PDE10A: variants seen among roughly 807,000 people sequenced by gnomAD.
The protein encoded by PDE10A is cAMP and cAMP-inhibited cGMP 3',5'-cyclic phosphodiesterase 10A.
In PDE10A, 39 loss-of-function variants were observed where a neutral mutation model predicts 97.7. The observed-to-expected ratio is 0.40, with a 90% confidence interval of 0.31 to 0.52. PDE10A has a LOEUF of 0.52. Among genes scored for constraint, PDE10A ranks in the 20% least tolerant of loss-of-function variants. The pLI, the probability that PDE10A is intolerant of heterozygous loss-of-function variation, is 0.56. For missense variants in PDE10A, 731 were observed against 1,047.8 expected, an observed-to-expected ratio of 0.70 and a Z score of 4.17; for synonymous variants, 371 against 376.8, an observed-to-expected ratio of 0.98 and a Z score of 0.18.
At chr6:165,484,027 T>C (rs758175309) in intron 2 of PDE10A, among the ~76,000 whole-genome samples, 4 of 152,260 alleles carry the variant, frequency 2.6e-5, no homozygotes, top group Non-Finnish European at 5.9e-5. Context: ...GGAGCTGATT[T>C]AGAAAATCAA....
rs367869409 is a variant in PDE10A at position 165,814,844 on chromosome 6, G to A, written c.-615+172685C>T. On this transcript the variant is annotated intron_variant, in intron 1 of 19. Coordinates refer to the PDE10A transcript ENST00000366882. ...GTCACTCTGCGGCGTATGTCCAGGC[G>A]AGCTGTGCGTCAGTTCCGTTCCTCT... Among the ~76,000 whole-genome samples the A allele has an allele frequency of 3.3e-5, 5 of 152,036 alleles. No individual in the cohort carries two copies. The South Asian group carries it at 6.2e-4, about 19-fold the overall frequency.
chr6:165,354,236 CTT>C (rs1187558385), intron 18 of PDE10A, among the ~76,000 whole-genome samples: 2 of 152,216 alleles, frequency 1.3e-5, no homozygotes, highest in East Asian at 3.9e-4. Context: ...GTATTTCTGA[CTT>C]AAGACCGTAA....
intron 19 of PDE10A, among the ~76,000 whole-genome samples, chr6:165,342,855 C>A (rs1372386315): frequency 6.6e-6 from 1 of 152,098 alleles, no homozygotes; most frequent in Non-Finnish European, 1.5e-5. Flanking sequence ...CAAGAAAAGG[C>A]GTTAATAAAA....
chr6:165,590,462 TAA>T (rs1786185352), intron 1 of PDE10A, among the ~76,000 whole-genome samples: 1 of 152,096 alleles, frequency 6.6e-6, no homozygotes, highest in Middle Eastern at 3.2e-3. Context: ...ACAGCAAACA[TAA>T]AGAGTATGTA....
intron 2 of PDE10A, among the ~76,000 whole-genome samples, chr6:165,523,381 T>C (rs1782246149): frequency 6.6e-6 from 1 of 152,158 alleles, no homozygotes; most frequent in South Asian, 2.1e-4. Context: ...GCAACAAGGC[T>C]ACAGTAACCC....
chr6:165,509,227 G>A (rs541709246), intron 2 of PDE10A, among the ~76,000 whole-genome samples: 56 of 151,878 alleles, frequency 3.7e-4, no homozygotes, highest in Non-Finnish European at 2.5e-4. Flanking sequence ...CAGGGTACAC[G>A]AGTACTTATC....
At chr6:165,761,722 G>A (rs1360383730) in intron 1 of PDE10A, among the ~76,000 whole-genome samples, 2 of 151,824 alleles carry the variant, frequency 1.3e-5, no homozygotes, top group African/African-American at 2.4e-5. Context: ...TCTTTTAAAT[G>A]AAAATTTATT....
At chr6:165,396,726 G>T (rs534575215) in intron 13 of PDE10A, among the ~76,000 whole-genome samples, 1 of 152,186 alleles carries the variant, frequency 6.6e-6, no homozygotes, top group Non-Finnish European at 1.5e-5. Flanking sequence ...CTTGGCATTT[G>T]TCTTCCTTAA....
intron 21 of PDE10A, 69 bp downstream of exon 21, chr6:165,336,054 A>G: frequency 8.5e-7 from 1 of 1,175,456 alleles, no homozygotes. Context: ...CTAGTGGGGT[A>G]CAAAAATCCT....
intron 1 of PDE10A, among the ~76,000 whole-genome samples, chr6:165,834,882 A>G (rs1184439704): frequency 6.6e-6 from 1 of 152,216 alleles, no homozygotes; most frequent in African/African-American, 2.4e-5. Flanking sequence ...AGAGCTGGGG[A>G]TGCAGAAGTG....
chr6:165,933,695 T>C (rs1415373889), intron 1 of PDE10A, among the ~76,000 whole-genome samples: 2 of 152,238 alleles, frequency 1.3e-5, no homozygotes, highest in Non-Finnish European at 2.9e-5. Flanking sequence ...CCAAGTTTCA[T>C]AGAATATACA....
intron 1 of PDE10A, among the ~76,000 whole-genome samples, chr6:165,601,930 T>A (rs1230701567): frequency 6.6e-6 from 1 of 152,186 alleles, no homozygotes; most frequent in Non-Finnish European, 1.5e-5. Context: ...CTATGCCAGA[T>A]GACAAAGAGC....
intron 1 of PDE10A, among the ~76,000 whole-genome samples, chr6:165,686,533 G>A (rs1791125366): frequency 6.6e-6 from 1 of 152,188 alleles, no homozygotes; most frequent in Non-Finnish European, 1.5e-5. Context: ...ACCACGGTGA[G>A]CACAGAGGTC....
chr6:165,638,267 T>C (rs1337896150), intron 1 of PDE10A, among the ~76,000 whole-genome samples: 1 of 152,182 alleles, frequency 6.6e-6, no homozygotes, highest in African/African-American at 2.4e-5. Flanking sequence ...ACCTTCCTTT[T>C]TATTTTCACT....
In PDE10A at chr6:165,570,668, T is replaced by C. The variant is rs527658239; in HGVS notation, c.866-27100A>G. ...AGGGTCTGTCAGAAAATCAATGCTA[T>C]ATAAGACATACATCACTTTCTTAAG... On this transcript the variant is annotated intron_variant, in intron 1 of 21. Transcript: ENST00000539869. Among the ~76,000 whole-genome samples, 4 of 152,374 alleles carry C rather than the reference T, an allele frequency of 2.6e-5. No homozygotes were observed. The South Asian group carries it at 8.3e-4, about 32-fold the overall frequency.
At chr6:165,505,505 T>C (rs1781140048) in intron 2 of PDE10A, among the ~76,000 whole-genome samples, 1 of 152,180 alleles carries the variant, frequency 6.6e-6, no homozygotes, top group Non-Finnish European at 1.5e-5. Flanking sequence ...ATTACTAATA[T>C]GATACTTTTT....
chr6:165,758,893 T>C (rs1793187333), intron 1 of PDE10A, among the ~76,000 whole-genome samples: 1 of 152,212 alleles, frequency 6.6e-6, no homozygotes, highest in Non-Finnish European at 1.5e-5. Flanking sequence ...TTCTTCTCCT[T>C]ATCACATTGT....
At chr6:165,854,585 G>T (rs1780666217) in intron 1 of PDE10A, among the ~76,000 whole-genome samples, 1 of 152,182 alleles carries the variant, frequency 6.6e-6, no homozygotes. Context: ...GAGCCCGGGG[G>T]TCCCCAGCTC....
intron 3 of PDE10A, among the ~76,000 whole-genome samples, chr6:165,476,229 G>T (rs550099196): frequency 6.6e-6 from 1 of 151,586 alleles, no homozygotes; most frequent in Non-Finnish European, 1.5e-5. Flanking sequence ...GGATAGAAGC[G>T]AATTTGGGAT....
Sources: allele counts gnomAD v4.1 joint callset (sites outside exome capture counted in the v4.1 genomes callset), GRCh38; gene constraint gnomAD v4.1.1; transcripts MANE v1.5; gene names NCBI Gene and HGNC (gene_info 2026-07-23, HGNC 2026-07-21).